The following PDLIM5 variants were observed in gnomAD, a reference collection of about 807,000 sequenced individuals.
The protein encoded by PDLIM5 is PDZ and LIM domain protein 5.
A neutral mutation model predicts 64.2 loss-of-function variants in PDLIM5; 34 were observed. That is an observed-to-expected ratio of 0.53 (90% CI 0.40 to 0.71). PDLIM5 has a LOEUF of 0.71. Among genes scored for constraint, PDLIM5 ranks in the 30% least tolerant of loss-of-function variants. The probability of loss-of-function intolerance (pLI) is 0.00; values close to 1 mark genes in which losing one functional copy is unlikely to be tolerated. For missense variants in PDLIM5, 683 were observed against 733.6 expected (o/e 0.93, Z 0.80); for synonymous variants, 253 against 269.1 (o/e 0.94, Z 0.59).
chr4:94,478,224 C>G (rs961280499), intron 2 of PDLIM5, among the ~76,000 whole-genome samples: 1 of 149,324 alleles, frequency 6.7e-6, no homozygotes, highest in African/African-American at 2.5e-5. Flanking sequence ...GTATTGCACT[C>G]CAGCCTGGGC....
At chr4:94,604,290 G>A (rs1486958710) in intron 7 of PDLIM5, among the ~76,000 whole-genome samples, 2 of 152,180 alleles carry the variant, frequency 1.3e-5, no homozygotes, top group Admixed American at 6.5e-5. Context: ...CCACTGATAG[G>A]AGGTATCTAA....
chr4:94,521,636 T>TA (rs890596196), intron 2 of PDLIM5, among the ~76,000 whole-genome samples: 3 of 151,266 alleles, frequency 2.0e-5, no homozygotes, highest in Non-Finnish European at 4.4e-5. Context: ...GGGAGCAGAA[T>TA]AAGAAAAGTT....
intron 3 of PDLIM5, among the ~76,000 whole-genome samples, chr4:94,571,509 G>A (rs781170108): frequency 2.6e-5 from 4 of 152,126 alleles, no homozygotes; most frequent in African/African-American, 7.2e-5. Context: ...GCACAAAGCC[G>A]TTGCCAAGAT....
chr4:94,537,166 T>C (rs3805282), intron 3 of PDLIM5, among the ~76,000 whole-genome samples: 8,936 of 152,194 alleles, frequency 0.059, 331 homozygotes, highest in African/African-American at 0.11. Flanking sequence ...TCTTGGGTAA[T>C]ATAGTAAGGG....
Position 94,665,114 on chromosome 4 carries a change from A to AT in PDLIM5, c.*1054dup, listed in dbSNP as rs11339365. 1.4e-5 allele frequency: 13 copies of AT among 956,148 alleles called. No homozygotes were observed. In the South Asian group the frequency reaches 4.3e-4, roughly 32 times the overall value. 59.2% of individuals were successfully genotyped at this position (956,148 alleles called of 1,614,324 possible). ...TCATCACCTATATTAGGCAAATTCC[A>AT]TTTTTTTCCCTTGTGCTAAGGTAAA... On this transcript the variant is annotated 3_prime_UTR_variant, in exon 13 of 13. Transcript: ENST00000317968.
chr4:94,572,835 A>G (rs1373750158), intron 3 of PDLIM5, among the ~76,000 whole-genome samples: 1 of 152,196 alleles, frequency 6.6e-6, no homozygotes, highest in African/African-American at 2.4e-5. Flanking sequence ...AAGAATAGGA[A>G]TACAGAATAA....
chr4:94,652,065 T>C (rs1228267388), intron 9 of PDLIM5, among the ~76,000 whole-genome samples: 2 of 152,226 alleles, frequency 1.3e-5, no homozygotes, highest in Non-Finnish European at 2.9e-5. Flanking sequence ...TTAAATGTCT[T>C]TTTTTCTTCT....
intron 10 of PDLIM5, among the ~76,000 whole-genome samples, chr4:94,656,475 A>G (rs1398628741): frequency 2.0e-5 from 3 of 151,920 alleles, no homozygotes; most frequent in Middle Eastern, 3.4e-3. Flanking sequence ...GTCTGTGCTT[A>G]GTGCCATCTT....
intron 8 of PDLIM5, among the ~76,000 whole-genome samples, chr4:94,623,121 C>T (rs1739388283): frequency 1.3e-5 from 2 of 152,172 alleles, no homozygotes; most frequent in African/African-American, 4.8e-5. Context: ...GCATTAATAA[C>T]TTACATTGTT....
chr4:94,500,360 C>T (rs1196139885), intron 2 of PDLIM5, among the ~76,000 whole-genome samples: 1 of 152,092 alleles, frequency 6.6e-6, no homozygotes, highest in African/African-American at 2.4e-5. Flanking sequence ...TTGTGAATTC[C>T]TTCATTTTCA....
At chr4:94,545,015 G>A (rs1406436467) in intron 3 of PDLIM5, among the ~76,000 whole-genome samples, 1 of 152,156 alleles carries the variant, frequency 6.6e-6, no homozygotes, top group Non-Finnish European at 1.5e-5. Flanking sequence ...AAATATCAGA[G>A]TTCAAACCTG....
intron 3 of PDLIM5, among the ~76,000 whole-genome samples, chr4:94,535,835 CTTTTTTTTT>C (rs10590994): frequency 8.1e-6 from 1 of 123,052 alleles, no homozygotes; most frequent in South Asian, 2.8e-4. Context: ...ATAAGGTCCT[CTTTTTTTTT>C]TTTTTTTTTT....
chr4:94,574,518 A>C (rs1369059323), intron 4 of PDLIM5, among the ~76,000 whole-genome samples: 6 of 149,450 alleles, frequency 4.0e-5, no homozygotes, highest in Non-Finnish European at 9.0e-5. Context: ...AAAAAAAACA[A>C]GATGAATTGA....
chr4:94,592,301 G>A (rs551871986), intron 7 of PDLIM5, among the ~76,000 whole-genome samples: 1 of 152,282 alleles, frequency 6.6e-6, no homozygotes, highest in Admixed American at 6.5e-5. Context: ...TTATGATTTT[G>A]CATGTTATAG....
intron 2 of PDLIM5, among the ~76,000 whole-genome samples, chr4:94,516,795 G>A (rs1317542674): frequency 1.3e-5 from 2 of 152,132 alleles, no homozygotes; most frequent in Non-Finnish European, 1.5e-5. Flanking sequence ...GTCTCCCAAA[G>A]TGCTAGTATT....
At chr4:94,637,721 T>G (rs1007734955) in intron 8 of PDLIM5, among the ~76,000 whole-genome samples, 1 of 152,204 alleles carries the variant, frequency 6.6e-6, no homozygotes, top group African/African-American at 2.4e-5. Flanking sequence ...GACTTGACTT[T>G]CAGGACTACA....
intron 6 of PDLIM5, among the ~76,000 whole-genome samples, chr4:94,586,126 C>T (rs1736175660): frequency 6.6e-6 from 1 of 152,000 alleles, no homozygotes; most frequent in Non-Finnish European, 1.5e-5. Context: ...GCTGAGATCA[C>T]GCCACTGTAC....
intron 5 of PDLIM5, among the ~76,000 whole-genome samples, chr4:94,579,766 T>C (rs1359798413): frequency 6.6e-6 from 1 of 152,158 alleles, no homozygotes; most frequent in Admixed American, 6.5e-5. Context: ...ATGTGGGTTT[T>C]ACTATGTATT....
chr4:94,650,316 C>A (rs1268526619), intron 9 of PDLIM5, among the ~76,000 whole-genome samples: 1 of 152,276 alleles, frequency 6.6e-6, no homozygotes, highest in South Asian at 2.1e-4. Flanking sequence ...CCTTTGCTCA[C>A]GCCAGGCCCT....
Sources: gnomAD v4.1 joint callset for allele counts (sites outside exome capture counted in the v4.1 genomes callset) on GRCh38, gnomAD v4.1.1 for gene constraint, MANE v1.5 for transcripts, NCBI Gene and HGNC (gene_info 2026-07-23, HGNC 2026-07-21) for gene names.